TSHZ2: variants seen among roughly 807,000 people sequenced by gnomAD.
The protein encoded by TSHZ2 is teashirt zinc finger homeobox 2, also known as teashirt homolog 2.
Under a neutral mutation model 74.4 loss-of-function variants are expected in TSHZ2, and 21 were observed. The ratio of observed to expected loss-of-function variants is 0.28; its 90% CI spans 0.20 to 0.41. The LOEUF is 0.41. Among genes scored for constraint, TSHZ2 ranks in the 10% least tolerant of loss-of-function variants. The pLI, the probability that TSHZ2 is intolerant of heterozygous loss-of-function variation, is 1.00. For synonymous variants in TSHZ2, 540 were observed against 515.3 expected (o/e 1.05, Z -0.65); for missense variants, 1,244 against 1,293.5 (o/e 0.96, Z 0.59).
intron 2 of TSHZ2, among the ~76,000 whole-genome samples, chr20:53,392,565 G>A (rs1282045334): frequency 6.6e-6 from 1 of 152,186 alleles, no homozygotes; most frequent in Non-Finnish European, 1.5e-5. Context: ...TAGCAATTAA[G>A]TATAAATCCA....
intron 2 of TSHZ2, among the ~76,000 whole-genome samples, chr20:53,415,627 T>A (rs1983211526): frequency 1.3e-5 from 2 of 151,630 alleles, no homozygotes; most frequent in South Asian, 4.1e-4. Context: ...CCTAACCCCA[T>A]AATATAAATA....
intron 1 of TSHZ2, among the ~76,000 whole-genome samples, chr20:53,187,696 G>GT (rs11475446): frequency 1.2e-4 from 18 of 150,162 alleles, no homozygotes; most frequent in South Asian, 6.3e-4. Flanking sequence ...TCTCAGTGCT[G>GT]TTTTTTTTTA....
chr20:53,024,063 G>C (rs1231316846), intron 1 of TSHZ2, among the ~76,000 whole-genome samples: 1 of 151,696 alleles, frequency 6.6e-6, no homozygotes, highest in Non-Finnish European at 1.5e-5. Context: ...TTGAAGTAGT[G>C]TGGGTGGGAA....
rs567400740 is a variant in TSHZ2, at chr20:53,208,435, G to C, written c.41-45064G>C. 5.3e-5 allele frequency among the ~76,000 whole-genome samples: 8 copies of C among 152,182 alleles called. No homozygotes were observed. The South Asian group carries it at 1.7e-3, about 32-fold the overall frequency. ...TCATTTAATCCTGGATCAGTTCTTT[G>C]TAGTAAGAGGTGTAACCCTGATTTG... On this transcript the variant is annotated intron_variant, in intron 1 of 2. Coordinates refer to ENST00000371497, the MANE Select transcript of TSHZ2 (RefSeq NM_173485.6).
At chr20:53,356,867 A>AAATAAT (rs970204416) in intron 2 of TSHZ2, among the ~76,000 whole-genome samples, 1 of 151,856 alleles carries the variant, frequency 6.6e-6, no homozygotes, top group African/African-American at 2.4e-5. Context: ...GAAAACAGGA[A>AAATAAT]AATAATAATA....
chr20:53,047,040 A>C (rs983832509), intron 1 of TSHZ2, among the ~76,000 whole-genome samples: 2 of 152,228 alleles, frequency 1.3e-5, no homozygotes, highest in Admixed American at 6.5e-5. Context: ...TGCATGCCTC[A>C]TATGAAGACA....
chr20:53,302,744 A>G (rs1978359967), intron 2 of TSHZ2, among the ~76,000 whole-genome samples: 1 of 152,212 alleles, frequency 6.6e-6, no homozygotes, highest in Non-Finnish European at 1.5e-5. Context: ...TGAGCCTTGG[A>G]CTAAGAAAGG....
intron 1 of TSHZ2, among the ~76,000 whole-genome samples, chr20:53,018,004 A>G (rs1347002984): frequency 1.3e-5 from 2 of 152,244 alleles, no homozygotes; most frequent in East Asian, 3.8e-4. Context: ...AAAGAGACGA[A>G]CATCGCATCA....
At chr20:52,979,312 T>G (rs1254678728) in intron 1 of TSHZ2, among the ~76,000 whole-genome samples, 1 of 152,178 alleles carries the variant, frequency 6.6e-6, no homozygotes, top group African/African-American at 2.4e-5. Flanking sequence ...TAATAAAAAT[T>G]AGAGACTTCA....
chr20:52,995,250 C>T (rs907648054), intron 1 of TSHZ2, among the ~76,000 whole-genome samples: 3 of 152,158 alleles, frequency 2.0e-5, no homozygotes, highest in Non-Finnish European at 4.4e-5. Flanking sequence ...TTTTTAACCT[C>T]GCTCCTCATT....
intron 1 of TSHZ2, among the ~76,000 whole-genome samples, chr20:53,038,107 G>T (rs912714169): frequency 7.2e-6 from 1 of 139,078 alleles, no homozygotes; most frequent in Non-Finnish European, 1.5e-5. Flanking sequence ...CAAGAGAATC[G>T]CTTGAACCCG....
intron 1 of TSHZ2, among the ~76,000 whole-genome samples, chr20:53,239,528 G>A (rs1227519031): frequency 6.6e-6 from 1 of 152,160 alleles, no homozygotes; most frequent in Non-Finnish European, 1.5e-5. Flanking sequence ...CCTGGGAGGG[G>A]AGGTCAAGAA....
intron 2 of TSHZ2, among the ~76,000 whole-genome samples, chr20:53,332,279 AG>A (rs1368381650): frequency 6.6e-6 from 1 of 152,198 alleles, no homozygotes; most frequent in Non-Finnish European, 1.5e-5. Flanking sequence ...CTAGTCTTGG[AG>A]GTCCAGAAAG....
intron 2 of TSHZ2, among the ~76,000 whole-genome samples, chr20:53,459,055 G>C (rs1279211616): frequency 6.6e-6 from 1 of 152,156 alleles, no homozygotes; most frequent in Non-Finnish European, 1.5e-5. Flanking sequence ...TTGGGGTGGA[G>C]AGTCCTGTAG....
chr20:53,431,255 T>A (rs1166129375), intron 2 of TSHZ2, among the ~76,000 whole-genome samples: 1 of 151,894 alleles, frequency 6.6e-6, no homozygotes, highest in Non-Finnish European at 1.5e-5. Context: ...TCAGGAGTCC[T>A]AGACCAGCCT....
chr20:53,228,583 A>G (rs1989742607), intron 1 of TSHZ2, among the ~76,000 whole-genome samples: 1 of 151,970 alleles, frequency 6.6e-6, no homozygotes, highest in Non-Finnish European at 1.5e-5. Flanking sequence ...GCCTCTGCCC[A>G]TTGGATGCCA....
chr20:53,392,996 A>G (rs556619412), intron 2 of TSHZ2, among the ~76,000 whole-genome samples: 7 of 151,914 alleles, frequency 4.6e-5, no homozygotes, highest in Admixed American at 3.9e-4. Flanking sequence ...CCACGCCCAG[A>G]TAGTTTTTGT....
At chr20:53,124,659 C>A (rs1272456406) in intron 1 of TSHZ2, among the ~76,000 whole-genome samples, 1 of 152,190 alleles carries the variant, frequency 6.6e-6, no homozygotes, top group African/African-American at 2.4e-5. Flanking sequence ...ATTTTCTGAA[C>A]CTTTGTCAGG....
chr20:53,271,361 T>C (rs931548541), intron 2 of TSHZ2, among the ~76,000 whole-genome samples: 1 of 152,178 alleles, frequency 6.6e-6, no homozygotes, highest in East Asian at 1.9e-4. Context: ...GTTATAAAGA[T>C]AAAATTAAAT....
Sources: allele counts gnomAD v4.1 joint callset (sites outside exome capture counted in the v4.1 genomes callset), GRCh38; gene constraint gnomAD v4.1.1; transcripts MANE v1.5; gene names NCBI Gene and HGNC (gene_info 2026-07-23, HGNC 2026-07-21).